The following NCAM2 variants were observed in gnomAD, a reference collection of about 807,000 sequenced individuals.
NCAM2 encodes neural cell adhesion molecule 2.
NCAM2 carries 30 observed loss-of-function variants against 98.1 expected under a neutral mutation model. That is an observed-to-expected ratio of 0.31 (90% CI 0.23 to 0.41). The LOEUF is 0.41. Ranked by LOEUF, NCAM2 falls within the 10% of genes least tolerant of loss-of-function variation. The pLI is 1.00. For synonymous variants in NCAM2, 368 were observed against 342.4 expected, an observed-to-expected ratio of 1.07 and a Z score of -0.83; for missense variants, 867 against 1,005.8, an observed-to-expected ratio of 0.86 and a Z score of 1.87.
chr21:21,371,892 C>CACAT (rs1254470126), intron 8 of NCAM2, among the ~76,000 whole-genome samples: 2 of 151,186 alleles, frequency 1.3e-5, no homozygotes, highest in Non-Finnish European at 3.0e-5. Flanking sequence ...CACACACACA[C>CACAT]GCTCTGACAC....
intron 1 of NCAM2, among the ~76,000 whole-genome samples, chr21:21,203,331 CAT>C (rs1387563778): frequency 6.6e-6 from 1 of 152,152 alleles, no homozygotes; most frequent in Non-Finnish European, 1.5e-5. Context: ...TTTATGCTCA[CAT>C]ATTTCACCAA....
At chr21:21,053,846 A>G (rs1413034898) in intron 1 of NCAM2, among the ~76,000 whole-genome samples, 1 of 151,634 alleles carries the variant, frequency 6.6e-6, no homozygotes, top group Non-Finnish European at 1.5e-5. Flanking sequence ...ACATACATAT[A>G]TACATTCATA....
rs1157854693 is a variant in NCAM2 at position 21,104,930 on chromosome 21, A to C, written c.55+106312A>C. Among the ~76,000 whole-genome samples, 3 of 151,998 alleles carry C rather than the reference A, an allele frequency of 2.0e-5. No individual in the cohort carries two copies. The East Asian group carries it at 5.8e-4, about 29-fold the overall frequency. On this transcript the variant is annotated intron_variant, in intron 1 of 17. Transcript: ENST00000400546. The stretch of plus-strand genomic sequence containing the variant: ...TCATGTTGGGAGCAGCCCAGTGGGG[A>C]GGTTTACAAGGAGAAAAACTGAAAT...
chr21:21,510,437 T>C (rs1396730462), intron 16 of NCAM2, among the ~76,000 whole-genome samples: 3 of 152,116 alleles, frequency 2.0e-5, no homozygotes, highest in Non-Finnish European at 4.4e-5. Context: ...AATGGATTCC[T>C]GCAGTGTCTA....
chr21:21,017,424 CAAAAAAAAAAA>C (rs11461275), intron 1 of NCAM2, among the ~76,000 whole-genome samples: 11 of 58,778 alleles, frequency 1.9e-4, no homozygotes, highest in Admixed American at 7.2e-4. Context: ...GACTCTGTCT[CAAAAAAAAAAA>C]AAAAAAAAAA....
At chr21:21,329,125 T>C (rs560771426) in intron 6 of NCAM2, among the ~76,000 whole-genome samples, 118 of 152,096 alleles carry the variant, frequency 7.8e-4, no homozygotes, top group African/African-American at 2.7e-3. Flanking sequence ...CGGCTAATTT[T>C]TGTATTTTTA....
At chr21:21,111,823 C>G (rs904228140) in intron 1 of NCAM2, among the ~76,000 whole-genome samples, 1 of 152,082 alleles carries the variant, frequency 6.6e-6, no homozygotes, top group African/African-American at 2.4e-5. Context: ...TTCCACTCCA[C>G]TAAAAGACTA....
intron 1 of NCAM2, among the ~76,000 whole-genome samples, chr21:21,087,064 TTA>T (rs766427196): frequency 9.3e-5 from 14 of 150,588 alleles, no homozygotes; most frequent in Non-Finnish European, 1.5e-4. Flanking sequence ...TATGTTAAGA[TTA>T]TGTGTGTGTG....
intron 1 of NCAM2, among the ~76,000 whole-genome samples, chr21:21,106,824 T>C (rs145068156): frequency 9.4e-4 from 143 of 152,190 alleles, no homozygotes; most frequent in Middle Eastern, 3.6e-3. Context: ...AACCATAGGC[T>C]AGTCACAAAT....
At chr21:21,534,302 C>A (rs754631916) in intron 16 of NCAM2, among the ~76,000 whole-genome samples, 6 of 151,668 alleles carry the variant, frequency 4.0e-5, no homozygotes, top group African/African-American at 9.7e-5. Flanking sequence ...ATAATTGATA[C>A]AGTTTTGATG....
intron 12 of NCAM2, among the ~76,000 whole-genome samples, chr21:21,438,476 C>A (rs1237397743): frequency 1.3e-5 from 2 of 152,112 alleles, no homozygotes; most frequent in African/African-American, 4.8e-5. Context: ...CTAATTATCC[C>A]AACCAATGAT....
intron 1 of NCAM2, among the ~76,000 whole-genome samples, chr21:21,248,823 A>C (rs13050586): frequency 1.6e-4 from 19 of 119,652 alleles, no homozygotes; most frequent in African/African-American, 5.5e-4. Flanking sequence ...AAAAAGATTT[A>C]TGAATTTCTT....
At chr21:21,276,312 A>T (rs2147466894) in intron 1 of NCAM2, among the ~76,000 whole-genome samples, 1 of 152,230 alleles carries the variant, frequency 6.6e-6, no homozygotes. Flanking sequence ...CAAAATACAT[A>T]TAGTTAATAA....
chr21:21,411,597 C>T (rs920029006), intron 10 of NCAM2, among the ~76,000 whole-genome samples: 39 of 152,046 alleles, frequency 2.6e-4, no homozygotes, highest in African/African-American at 8.9e-4. Context: ...AAATGATCAT[C>T]ACCCTTTCCA....
intron 1 of NCAM2, among the ~76,000 whole-genome samples, chr21:21,036,644 A>C (rs957826811): frequency 1.3e-5 from 2 of 151,400 alleles, no homozygotes; most frequent in African/African-American, 2.4e-5. Flanking sequence ...TGTAGGAGTA[A>C]ATGATTTTCA....
chr21:21,132,066 C>A (rs1050073342), intron 1 of NCAM2, among the ~76,000 whole-genome samples: 6 of 152,162 alleles, frequency 3.9e-5, no homozygotes, highest in Admixed American at 6.5e-5. Flanking sequence ...GGTGAAGAAT[C>A]CTTTTCCTAA....
chr21:21,364,471 A>C (rs1039364431), intron 8 of NCAM2, among the ~76,000 whole-genome samples: 1 of 152,032 alleles, frequency 6.6e-6, no homozygotes, highest in African/African-American at 2.4e-5. Context: ...TAATATCAGC[A>C]CATACAACAG....
intron 17 of NCAM2, among the ~76,000 whole-genome samples, chr21:21,535,085 T>C (rs1989912831): frequency 6.6e-6 from 1 of 152,128 alleles, no homozygotes; most frequent in Non-Finnish European, 1.5e-5. Context: ...TAAAAAGAAA[T>C]ATTTGTGCAG....
At chr21:21,083,708 C>T (rs763099921) in intron 1 of NCAM2, among the ~76,000 whole-genome samples, 2 of 152,128 alleles carry the variant, frequency 1.3e-5, no homozygotes, top group Middle Eastern at 3.2e-3. Context: ...AGCCACCACC[C>T]CCAGCCTCAT....
Sources: gnomAD v4.1 joint callset for allele counts (sites outside exome capture counted in the v4.1 genomes callset) on GRCh38, gnomAD v4.1.1 for gene constraint, MANE v1.5 for transcripts, NCBI Gene and HGNC (gene_info 2026-07-23, HGNC 2026-07-21) for gene names.